The following TRIOBP variants were observed in gnomAD, a reference collection of about 807,000 sequenced individuals.
TRIOBP encodes TRIO and F-actin-binding protein.
Under a neutral mutation model 238.8 loss-of-function variants are expected in TRIOBP, and 169 were observed. The ratio of observed to expected loss-of-function variants is 0.71; its 90% CI spans 0.62 to 0.80. The LOEUF is 0.80. Ranked by LOEUF, TRIOBP falls within the 30% of genes least tolerant of loss-of-function variation. The pLI is 0.00. For synonymous variants in TRIOBP, 1,150 were observed against 1,274.4 expected, an observed-to-expected ratio of 0.90 and a Z score of 2.08; for missense variants, 2,838 against 3,122.6, an observed-to-expected ratio of 0.91 and a Z score of 2.17.
At chr22:37,741,125 G>T (rs1028804491) in intron 11 of TRIOBP, 93 bp downstream of exon 11, 5 of 1,497,852 alleles carry the variant, frequency 3.3e-6, no homozygotes, top group African/African-American at 1.4e-5. Flanking sequence ...GAGAGAGAGT[G>T]GGGGCTGAGG....
At chr22:37,743,798 A>T (rs1206162984) in intron 11 of TRIOBP, among the ~76,000 whole-genome samples, 4 of 102,074 alleles carry the variant, frequency 3.9e-5, no homozygotes, top group South Asian at 3.4e-4. Flanking sequence ...AAAGAGAGAG[A>T]GAATGTGTGT....
chr22:37,773,747 G>A (rs1196505779), intron 23 of TRIOBP, 36 bp from the exon 24 acceptor site: 1 of 152,742 alleles, frequency 6.5e-6, no homozygotes, highest in Non-Finnish European at 1.5e-5. Flanking sequence ...CAGCCCCTCA[G>A]CCCAGGCCTC....
rs1052537679 is a variant in TRIOBP at position 37,715,833 on chromosome 22, G to C, written c.527G>C (p.Arg176Thr). ...GACGAGCTCGCAGTGATGATCCCGAGGAGGCCTCGGGAGGGGCCGAGAGCT... is the reference window on the plus strand; with the variant it reads ...GACGAGCTCGCAGTGATGATCCCGACGAGGCCTCGGGAGGGGCCGAGAGCT... Reference protein sequence around the residue: ...SWDELAVMIPRRPREGPRADS... With the variant: ...SWDELAVMIPTRPREGPRADS... The change falls in exon 6 of 24, where the codon AGG becomes ACG. Residue 176 changes from arginine to threonine, a missense_variant. By Grantham distance (71) the Arg-to-Thr change is moderately conservative. This residue lies in a region of TRIOBP where 535 missense variants were observed against 537.3 expected (regional missense o/e 1.00). Transcript: ENST00000644935. The C allele has an allele frequency of 4.5e-5, 73 of 1,614,054 alleles. No homozygotes were observed. Among genetic ancestry groups the C allele is most frequent in the Non-Finnish European group, 6.1e-5 (72 of 1,180,006 alleles).
intron 2 of TRIOBP, among the ~76,000 whole-genome samples, chr22:37,700,266 A>ATTTTTT (rs35388184): frequency 7.4e-6 from 1 of 134,530 alleles, no homozygotes; most frequent in Non-Finnish European, 1.6e-5. Context: ...GGGAATCTAG[A>ATTTTTT]TTTTTTTTTT....
intron 11 of TRIOBP, chr22:37,750,941 C>T (rs1481943669): frequency 1.1e-5 from 4 of 364,948 alleles, no homozygotes; most frequent in Admixed American, 3.6e-5. Context: ...CCATGGCAAC[C>T]GGTGGCCACC....
chr22:37,760,685 AAAG>A (rs1926195015), intron 17 of TRIOBP, among the ~76,000 whole-genome samples: 1 of 152,194 alleles, frequency 6.6e-6, no homozygotes, highest in Admixed American at 6.5e-5. Flanking sequence ...CTAAAGTAGA[AAAG>A]AAGGGGCCAG....
At position 37,761,555 on chromosome 22, in the gene TRIOBP, G is replaced by A. The variant is rs945371965; in HGVS notation, c.6324+2291G>A. Among the ~76,000 whole-genome samples, 31 of 152,286 alleles carry A rather than the reference G, an allele frequency of 2.0e-4. 1 individual carries two copies. The highest frequency in any genetic ancestry group is 7.2e-4 in the African/African-American group (30 of 41,580). Reference sequence around the variant, plus strand: ...TCAGGAAAGTGATGTTGGAGTGGAGGGGGCTTGGGAGAGGGCCAGGTGTAA... The same window carrying A: ...TCAGGAAAGTGATGTTGGAGTGGAGAGGGCTTGGGAGAGGGCCAGGTGTAA... On this transcript the variant is annotated intron_variant, in intron 17 of 23. Transcript: ENST00000644935.
intron 3 of TRIOBP, 152 bp from the exon 4 acceptor site, chr22:37,710,275 G>C (rs1165787818): frequency 8.4e-7 from 1 of 1,184,348 alleles, no homozygotes; most frequent in Non-Finnish European, 1.2e-6. Flanking sequence ...AGTCCCAAGG[G>C]GTGCTTCTAG....
At chr22:37,765,631 A>T (rs1230887048) in intron 17 of TRIOBP, 39 bp from the exon 18 acceptor site, 19 of 1,548,050 alleles carry the variant, frequency 1.2e-5, no homozygotes, top group Non-Finnish European at 1.7e-5. Flanking sequence ...TGTCCAGAGG[A>T]ACGGGGCAGC....
intron 11 of TRIOBP, among the ~76,000 whole-genome samples, chr22:37,744,598 A>T (rs1249058128): frequency 6.6e-6 from 1 of 152,162 alleles, no homozygotes; most frequent in African/African-American, 2.4e-5. Context: ...TTAGGTGCCC[A>T]GGGCACTGGA....
rs543883771 is a variant in TRIOBP at position 37,712,435 on chromosome 22, G to A, written c.255-775G>A. Among the ~76,000 whole-genome samples the A allele has an allele frequency of 6.0e-4, 91 of 152,014 alleles. 1 individual carries two copies. Among genetic ancestry groups the A allele is most frequent in the Admixed American group, 1.8e-3 (28 of 15,268 alleles). On this transcript the variant is annotated intron_variant, in intron 4 of 23. Transcript: ENST00000644935. ...CAACCTCCACCTCCTGGCTTCAAGCGATTATCTTGCCTCAGCCTCCTGAGT... is the reference window on the plus strand; with the variant it reads ...CAACCTCCACCTCCTGGCTTCAAGCAATTATCTTGCCTCAGCCTCCTGAGT...
chr22:37,712,877 A>T (rs1601622733), intron 4 of TRIOBP, among the ~76,000 whole-genome samples: 1 of 151,712 alleles, frequency 6.6e-6, no homozygotes, highest in East Asian at 2.0e-4. Flanking sequence ...GAATGGCATG[A>T]ACCTGGGAGG....
chr22:37,739,596 C>T (rs541982245), intron 10 of TRIOBP, among the ~76,000 whole-genome samples: 55 of 152,306 alleles, frequency 3.6e-4, no homozygotes, highest in Admixed American at 6.5e-4. Flanking sequence ...AACCACCCAG[C>T]GCTCTCTCTG....
In TRIOBP at chr22:37,701,469, C is replaced by T. The variant is rs1922639419; in HGVS notation, c.104C>T (p.Ala35Val). 2 of 1,611,436 alleles carry T rather than the reference C, an allele frequency of 1.2e-6. No individual in the cohort carries two copies. The highest frequency in any genetic ancestry group is 8.5e-7 in the Non-Finnish European group (1 of 1,178,968). ...TTCCACCCTGAGGAGGCCCATGGAGCAAGATACCAGGTGGGCCAGTTTTCC... is the reference window on the plus strand; with the variant it reads ...TTCCACCCTGAGGAGGCCCATGGAGTAAGATACCAGGTGGGCCAGTTTTCC... The part of the protein sequence containing the change: ...NCFHPEEAHG[A>V]RYQELRSPSG... The change falls in exon 3 of 24, where the codon GCA becomes GTA. Residue 35 changes from alanine to valine, a missense_variant. Ala to Val is a moderately conservative substitution (Grantham distance 64). Transcript: ENST00000644935.
chr22:37,709,992 G>A (rs997181844), intron 3 of TRIOBP, among the ~76,000 whole-genome samples: 2 of 152,148 alleles, frequency 1.3e-5, no homozygotes, highest in African/African-American at 2.4e-5. Flanking sequence ...TCTTTTGGCC[G>A]CAAAAGACCC....
Position 37,734,700 on chromosome 22 carries a change from G to A in TRIOBP, c.4364G>A (p.Gly1455Asp), listed in dbSNP as rs774457490. 2.3e-5 allele frequency: 37 copies of A among 1,607,116 alleles called. No individual in the cohort carries two copies. The highest frequency in any genetic ancestry group is 2.0e-5 in the Non-Finnish European group (24 of 1,177,232). Reference protein sequence around the residue: ...RSWSSQEGGLGPGGWWGCGEP... With the variant: ...RSWSSQEGGLDPGGWWGCGEP... ...TGGAGCAGCCAGGAGGGAGGCCTGG[G>A]CCCTGGGGGCTGGTGGGGATGTGGA... The change falls in exon 9 of 24, where the codon GGC becomes GAC. Residue 1455 changes from glycine (G) to aspartate (D), a missense_variant. This residue lies in a region of TRIOBP where 2,096 missense variants were observed against 2,137.4 expected (regional missense o/e 0.98). Coordinates refer to ENST00000644935, the MANE Select transcript of TRIOBP (RefSeq NM_001039141.3).
chr22:37,745,455 C>T (rs1485681931), intron 11 of TRIOBP, among the ~76,000 whole-genome samples: 2 of 152,048 alleles, frequency 1.3e-5, no homozygotes, highest in Non-Finnish European at 2.9e-5. Context: ...CCAATTCCAC[C>T]ACGGTCCCTA....
intron 3 of TRIOBP, among the ~76,000 whole-genome samples, chr22:37,703,442 G>A (rs1283691442): frequency 2.0e-5 from 3 of 151,714 alleles, no homozygotes; most frequent in Admixed American, 1.3e-4. Context: ...ACGAACCTCC[G>A]AGGGCCCTTC....
intron 2 of TRIOBP, among the ~76,000 whole-genome samples, chr22:37,698,229 C>T (rs1426892316): frequency 7.0e-6 from 1 of 142,186 alleles, no homozygotes; most frequent in African/African-American, 2.6e-5. Flanking sequence ...GAAAGAAAGA[C>T]ACCAGGGTTT....
Sources: gnomAD v4.1 joint callset for allele counts (sites outside exome capture counted in the v4.1 genomes callset) on GRCh38, gnomAD v4.1.1 for gene constraint, gnomAD v4.1.1 regional missense constraint, MANE v1.5 for transcripts, NCBI Gene and HGNC (gene_info 2026-07-23, HGNC 2026-07-21) for gene names.